The following WDFY4 variants were observed in gnomAD, a reference collection of about 807,000 sequenced individuals.
WDFY4 encodes the protein WDFY family member 4.
WDFY4 carries 169 observed loss-of-function variants against 351.9 expected under a neutral mutation model. That is an observed-to-expected ratio of 0.48 (90% CI 0.42 to 0.55). The LOEUF (loss-of-function observed/expected upper bound fraction) is 0.55. Ranked by LOEUF, WDFY4 falls within the 20% of genes least tolerant of loss-of-function variation. WDFY4 has a pLI of 0.00. For synonymous variants in WDFY4, 1,622 were observed against 1,574.6 expected, an observed-to-expected ratio of 1.03 and a Z score of -0.71; for missense variants, 3,803 against 3,935.6, an observed-to-expected ratio of 0.97 and a Z score of 0.90.
Position 48,787,925 on chromosome 10 carries a change from TTC to T in WDFY4, c.3809-603_3809-602del, listed in dbSNP as rs2066515455. 9.9e-5 allele frequency among the ~76,000 whole-genome samples: 8 copies of T among 80,492 alleles called. 1 individual carries two copies. Among genetic ancestry groups the T allele is most frequent in the African/African-American group, 4.5e-4 (8 of 17,664 alleles). 52.8% of individuals were successfully genotyped at this position (80,492 alleles called of 152,430 possible). On this transcript the variant is annotated intron_variant, in intron 20 of 61. Transcript: ENST00000325239. ...CTTCTTCTTCTTCTTCTTCTTCTTC[TTC>T]TTCTTCTTCTTCTTCTTCTTCTTCT...
At chr10:48,709,600 T>C in intron 1 of WDFY4, 116 bp from the exon 2 acceptor site, 1 of 869,628 alleles carries the variant, frequency 1.1e-6, no homozygotes. Flanking sequence ...TTCAGATTCT[T>C]AGGGGAACCA....
chr10:48,900,059 C>T (rs1295187242), intron 45 of WDFY4, among the ~76,000 whole-genome samples, 162 bp from the exon 46 acceptor site: 1 of 152,188 alleles, frequency 6.6e-6, no homozygotes, highest in Non-Finnish European at 1.5e-5. Flanking sequence ...GCACCCCATC[C>T]CTGTCACCAA....
chr10:48,843,905 A>T (rs567566641), intron 39 of WDFY4, among the ~76,000 whole-genome samples: 1 of 152,376 alleles, frequency 6.6e-6, no homozygotes, highest in South Asian at 2.1e-4. Context: ...AAACATATTC[A>T]TCAAGGCAAA....
intron 58 of WDFY4, chr10:48,975,297 G>A: frequency 1.7e-6 from 1 of 592,540 alleles, no homozygotes; most frequent in Non-Finnish European, 3.0e-6. Flanking sequence ...CCAGGGGGCT[G>A]CAGCTGAAAA....
intron 13 of WDFY4, among the ~76,000 whole-genome samples, chr10:48,768,291 A>G (rs2065737341): frequency 6.6e-6 from 1 of 152,146 alleles, no homozygotes; most frequent in Non-Finnish European, 1.5e-5. Context: ...TCAGGGCTCT[A>G]TGCACAGTGT....
Position 48,729,432 on chromosome 10 carries a change from G to A in WDFY4, c.972G>A (p.Arg324=), listed in dbSNP as rs1379279709. The change falls in exon 8 of 62, where the codon CGG becomes CGA. Residue 324 remains arginine (R), a splice_region_variant and synonymous_variant. Coordinates refer to ENST00000325239, the MANE Select transcript of WDFY4 (RefSeq NM_001394531.1). The stretch of plus-strand genomic sequence containing the variant: ...GAGCTGGCCTCATCTGTTCCCCCAG[G>A]TATGATGGGCTGACCCAGAGCGAAG... ...GYPLLLKVLL[R]YDGLTQSEVD... 2.6e-6 allele frequency: 4 copies of A among 1,550,702 alleles called. No individual in the cohort carries two copies. The highest frequency in any genetic ancestry group is 2.4e-5 in the South Asian group (2 of 84,012).
Position 48,786,786 on chromosome 10 carries a change from G to A in WDFY4, c.3724G>A (p.Glu1242Lys). 2 of 1,552,370 alleles carry A rather than the reference G, an allele frequency of 1.3e-6. No homozygotes were observed. Among genetic ancestry groups the A allele is most frequent in the Non-Finnish European group, 1.7e-6 (2 of 1,147,144 alleles). ...WRLGPTYLFE[E>K]AISMETLEVI... is the part of the protein sequence containing the mutation. Reference sequence around the variant, plus strand: ...TCTTGGCCCCACATACCTCTTTGAAGAAGCCATTTCAATGGAAACTCTGGA... The same window carrying A: ...TCTTGGCCCCACATACCTCTTTGAAAAAGCCATTTCAATGGAAACTCTGGA... Residue 1242 changes from glutamate (E) to lysine (K), a missense_variant, in exon 20 of 62, where the codon GAA becomes AAA. Transcript: ENST00000325239.
At chr10:48,741,750 T>C (rs1589499524) in intron 11 of WDFY4, among the ~76,000 whole-genome samples, 1 of 152,136 alleles carries the variant, frequency 6.6e-6, no homozygotes, top group East Asian at 1.9e-4. Context: ...TGAAACTGAC[T>C]CCACACTGTG....
At chr10:48,959,414 G>A (rs1841755358) in intron 52 of WDFY4, among the ~76,000 whole-genome samples, 1 of 152,134 alleles carries the variant, frequency 6.6e-6, no homozygotes, top group South Asian at 2.1e-4. Context: ...CCAGAAGAAA[G>A]GCACAGTACA....
At chr10:48,800,730 C>CTTTTTTTT (rs57288777) in intron 24 of WDFY4, among the ~76,000 whole-genome samples, 14 of 92,804 alleles carry the variant, frequency 1.5e-4, no homozygotes, top group African/African-American at 1.9e-4. Flanking sequence ...TTCATTCTTT[C>CTTTTTTTT]TTTTTTTTTT....
chr10:48,948,564 G>T (rs1030971779), intron 51 of WDFY4, among the ~76,000 whole-genome samples: 5 of 152,238 alleles, frequency 3.3e-5, no homozygotes, highest in Non-Finnish European at 7.3e-5. Context: ...GGAGGAGACA[G>T]AGTGAAATAG....
chr10:48,978,338 T>A lies in WDFY4; in HGVS notation c.9321T>A (p.Ser3107=). 6.4e-7 allele frequency: 1 copy of A among 1,551,466 alleles called. No homozygotes were observed. Among genetic ancestry groups the A allele is most frequent in the Non-Finnish European group, 8.7e-7 (1 of 1,146,880 alleles). ...GGAAGACTGAGGATGTGAAGATGTC[T>A]GTTCCTGGACGGCCAGCAGGAGAGG... The part of the protein sequence containing the change: ...RVWKTEDVKM[S]VPGRPAGEEP... Residue 3107 remains serine, a synonymous_variant, in exon 60 of 62, where the codon TCT becomes TCA. Transcript: ENST00000325239.
At chr10:48,727,992 A>C (rs541682056) in intron 7 of WDFY4, among the ~76,000 whole-genome samples, 6 of 152,242 alleles carry the variant, frequency 3.9e-5, no homozygotes, top group African/African-American at 1.2e-4. Flanking sequence ...AGGGCTGGAA[A>C]GGTCTGGAAA....
At chr10:48,856,753 A>G (rs546974062) in intron 39 of WDFY4, among the ~76,000 whole-genome samples, 2 of 152,310 alleles carry the variant, frequency 1.3e-5, no homozygotes, top group African/African-American at 4.8e-5. Flanking sequence ...GCATTAGAAC[A>G]TACAGATAGC....
At chr10:48,730,457 G>T (rs927231921) in intron 8 of WDFY4, among the ~76,000 whole-genome samples, 1 of 152,236 alleles carries the variant, frequency 6.6e-6, no homozygotes, top group African/African-American at 2.4e-5. Flanking sequence ...GCTGGAGGCA[G>T]GGAGCTTTCT....
In WDFY4 at chr10:48,760,348, A is replaced by G; in HGVS notation, c.2461A>G (p.Met821Val). 1.3e-6 allele frequency: 2 copies of G among 1,551,472 alleles called. No homozygotes were observed. Among genetic ancestry groups the G allele is most frequent in the Non-Finnish European group, 1.7e-6 (2 of 1,146,892 alleles). ...FKQWPDLEERMDEGDAAIMHP... is the reference protein window; with the variant it reads ...FKQWPDLEERVDEGDAAIMHP... ...GTCTGGCTCTCCCTCTCTCTGCAGG[A>G]TGGATGAGGGAGATGCTGCAATCAT... The change falls in exon 13 of 62, where the codon ATG becomes GTG. Residue 821 changes from methionine to valine, a missense_variant and splice_region_variant. Physicochemically the swap from Met to Val is conservative, Grantham distance 21. Coordinates refer to ENST00000325239, the MANE Select transcript of WDFY4 (RefSeq NM_001394531.1).
chr10:48,749,316 C>T (rs2065109176), intron 12 of WDFY4, among the ~76,000 whole-genome samples: 1 of 151,992 alleles, frequency 6.6e-6, no homozygotes, highest in African/African-American at 2.4e-5. Context: ...ACACTATATA[C>T]ACATCACATG....
intron 12 of WDFY4, among the ~76,000 whole-genome samples, chr10:48,751,976 C>T (rs1371689491): frequency 1.3e-5 from 2 of 152,182 alleles, no homozygotes; most frequent in Non-Finnish European, 2.9e-5. Flanking sequence ...CTCACACCAC[C>T]ACTGGCTCCC....
intron 43 of WDFY4, among the ~76,000 whole-genome samples, chr10:48,880,191 C>A (rs2070188562): frequency 6.6e-6 from 1 of 152,198 alleles, no homozygotes; most frequent in African/African-American, 2.4e-5. Flanking sequence ...AGTTTTCACC[C>A]TGGCTAGGCT....
Sources: allele counts gnomAD v4.1 joint callset (sites outside exome capture counted in the v4.1 genomes callset), GRCh38; gene constraint gnomAD v4.1.1; transcripts MANE v1.5; gene names NCBI Gene and HGNC (gene_info 2026-07-23, HGNC 2026-07-21).